The following CCAR2 variants were observed in gnomAD, a reference collection of about 807,000 sequenced individuals.
CCAR2 encodes the protein cell cycle and apoptosis regulator protein 2.
CCAR2 carries 21 observed loss-of-function variants against 108.1 expected under a neutral mutation model. That is an observed-to-expected ratio of 0.19 (90% CI 0.14 to 0.28). The LOEUF is 0.28. CCAR2 is among the 10% of genes least tolerant of loss of function. The pLI, the probability that CCAR2 is intolerant of heterozygous loss-of-function variation, is 1.00. For synonymous variants in CCAR2, 577 were observed against 472.8 expected, an observed-to-expected ratio of 1.22 and a Z score of -2.86; for missense variants, 1,126 against 1,177.0, an observed-to-expected ratio of 0.96 and a Z score of 0.63.
At position 22,604,764 on chromosome 8, in the gene CCAR2, C is replaced by T. The variant is rs201375888; in HGVS notation, c.-117C>T. On this transcript the variant is annotated 5_prime_UTR_variant, in exon 1 of 21. Coordinates refer to ENST00000308511, the MANE Select transcript of CCAR2 (RefSeq NM_001393997.1). ...CAGTGGTCGCGCTTCCGGAGAGGCG[C>T]TTCCGGTGGCGGCGGCAGCAGCGGC... 127 of 456,234 alleles carry T rather than the reference C, an allele frequency of 2.8e-4. 1 individual carries two copies. The highest frequency in any genetic ancestry group is 2.3e-3 in the African/African-American group (116 of 50,196). The allele number at this position is 456,234 out of a possible 1,614,324, so 28.3% of individuals were successfully genotyped here. A position where few individuals can be genotyped will look rare whatever the true frequency, so the allele number is the denominator to read the frequency against.
Position 22,617,802 on chromosome 8 carries a change from T to C in CCAR2, c.2073+24T>C, listed in dbSNP as rs1391013002. 3.1e-6 allele frequency: 5 copies of C among 1,609,832 alleles called. 1 individual carries two copies. Among genetic ancestry groups the C allele is most frequent in the East Asian group, 4.5e-5 (2 of 44,886 alleles). On this transcript the variant is annotated intron_variant, in intron 16 of 20. Coordinates refer to ENST00000308511, the MANE Select transcript of CCAR2 (RefSeq NM_001393997.1). ...TGGTGAGGCCTCTTCTCGACCACTC[T>C]GGGTCTCAGTGGTGGTGAGGCTTGG...
rs77337016 is a variant in CCAR2 at position 22,615,816 on chromosome 8, C to T, written c.1512C>T (p.Pro504=). The T allele has an allele frequency of 3.7e-6, 6 of 1,613,988 alleles. No homozygotes were observed. The highest frequency in any genetic ancestry group is 1.6e-4 in the Middle Eastern group (1 of 6,062). Residue 504 remains proline (P), a synonymous_variant, in exon 13 of 21, where the codon CCC becomes CCT. Coordinates refer to ENST00000308511, the MANE Select transcript of CCAR2 (RefSeq NM_001393997.1). Reference sequence around the variant, plus strand: ...ATCTCCCAGAGGCCCCTCCACCCCCCCTAGAACCTGCTGTCATCGCACGCC... The same window carrying T: ...ATCTCCCAGAGGCCCCTCCACCCCCTCTAGAACCTGCTGTCATCGCACGCC... ...DTDLPEAPPP[P]LEPAVIARPG...
At chr8:22,605,538 T>G in intron 1 of CCAR2, 198 bp from the exon 2 acceptor site, 2 of 569,606 alleles carry the variant, frequency 3.5e-6, no homozygotes, top group Non-Finnish European at 6.3e-6. Context: ...ACTAGGTTAT[T>G]GTCAGGGCAA....
Position 22,615,852 on chromosome 8 carries a change from A to G in CCAR2, c.1548A>G (p.Val516=). The part of the protein sequence containing the change: ...EPAVIARPGC[V]NLSLHGIVED... The stretch of plus-strand genomic sequence containing the variant: ...CTGTCATCGCACGCCCTGGCTGTGT[A>G]AACCTGTCCCTCCATGGGATTGTGG... The change falls in exon 13 of 21, where the codon GTA becomes GTG. Residue 516 remains valine (V), a synonymous_variant. Transcript: ENST00000308511. 1 of 1,614,022 alleles carries G rather than the reference A, an allele frequency of 6.2e-7. No homozygotes were observed.
In CCAR2 at chr8:22,618,948, C is replaced by T. The variant is rs200010288; in HGVS notation, c.2454C>T (p.Arg818=). Residue 818 remains arginine (R), a synonymous_variant, in exon 19 of 21, where the codon CGC becomes CGT. Coordinates refer to ENST00000308511, the MANE Select transcript of CCAR2 (RefSeq NM_001393997.1). The part of the protein sequence containing the change: ...SLINVGSLLQ[R]AEQQDSGRLY... ...TTAACGTGGGGAGCCTGCTGCAGCG[C>T]GCGGAGCAGCAGGACAGCGGCCGGC... is the stretch of plus-strand genomic sequence containing the variant. 59 of 1,613,666 alleles carry T rather than the reference C, an allele frequency of 3.7e-5. No homozygotes were observed. Among genetic ancestry groups the T allele is most frequent in the Admixed American group, 1.3e-4 (8 of 60,038 alleles).
chr8:22,615,668 A>T lies in CCAR2; in HGVS notation c.1378-14A>T. 1 of 1,613,822 alleles carries T rather than the reference A, an allele frequency of 6.2e-7. No individual in the cohort carries two copies. The highest frequency in any genetic ancestry group is 8.5e-7 in the Non-Finnish European group (1 of 1,179,978). ...CCCGGGACCCAGAGGGTCTCATTTC[A>T]GCTGTTGTCACAGGAAACGGAGCCT... On this transcript the variant is annotated splice_polypyrimidine_tract_variant and intron_variant, in intron 12 of 20. Coordinates refer to ENST00000308511, the MANE Select transcript of CCAR2 (RefSeq NM_001393997.1).
At chr8:22,620,823 C>T (rs955481461), downstream of CCAR2, 8 of 152,354 alleles carry the variant, frequency 5.3e-5, no homozygotes, top group African/African-American at 1.9e-4. Flanking sequence ...GACAGTTCCA[C>T]TGACAGCTTG....
chr8:22,615,268 A>T, intron 11 of CCAR2, 157 bp from the exon 12 acceptor site: 1 of 998,000 alleles, frequency 1.0e-6, no homozygotes, highest in Non-Finnish European at 1.5e-6. Flanking sequence ...TCATTTCTTG[A>T]GGACTTGGTC....
chr8:22,621,407 A>G (rs1322137177), downstream of CCAR2: 2 of 1,610,124 alleles, frequency 1.2e-6, no homozygotes, highest in Non-Finnish European at 8.5e-7. Flanking sequence ...GGAGTCCTCC[A>G]AGAGTGACGG....
rs778937420 is a variant in CCAR2, at chr8:22,615,694, ACTGAACAGGCAC to A, written c.1395_1406del (p.Glu465_Pro468del). The A allele has an allele frequency of 6.2e-7, 1 of 1,613,632 alleles. No homozygotes were observed. The highest frequency in any genetic ancestry group is 8.5e-7 in the Non-Finnish European group (1 of 1,180,022). On this transcript the variant is annotated inframe_deletion, in exon 13 of 21. Transcript: ENST00000308511. The stretch of plus-strand genomic sequence containing the variant: ...GCTGTTGTCACAGGAAACGGAGCCT[ACTGAACAGGCAC>A]CTGATGCCTTGGAGCAAGCAGCAGA...
chr8:22,605,159 C>A, intron 1 of CCAR2: 1 of 191,090 alleles, frequency 5.2e-6, no homozygotes, highest in Middle Eastern at 2.3e-3. Flanking sequence ...CAGCCGGTTT[C>A]GCGTTTGGTC....
At chr8:22,615,068 C>T in intron 11 of CCAR2, 67 bp downstream of exon 11, 1 of 1,457,594 alleles carries the variant, frequency 6.9e-7, no homozygotes, top group Non-Finnish European at 9.1e-7. Context: ...TTGGGAAGGC[C>T]CGGTCCCTGC....
At chr8:22,619,100 C>T (rs775737481) in intron 19 of CCAR2, 50 bp from the exon 20 acceptor site, 1 of 1,600,470 alleles carries the variant, frequency 6.2e-7, no homozygotes, top group Non-Finnish European at 8.5e-7. Context: ...CTGCCCTGTG[C>T]TCTGGGCCTT....
At position 22,607,242 on chromosome 8, in the gene CCAR2, T is replaced by G. The variant is rs1241014928; in HGVS notation, c.404T>G (p.Leu135Arg). 6.2e-7 allele frequency: 1 copy of G among 1,614,040 alleles called. No homozygotes were observed. Among genetic ancestry groups the G allele is most frequent in the Non-Finnish European group, 8.5e-7 (1 of 1,180,014 alleles). The change falls in exon 6 of 21, where the codon CTG becomes CGG. Residue 135 changes from leucine (L) to arginine (R), a missense_variant. By Grantham distance (102) the Leu-to-Arg change is moderately radical. This residue lies in a region of CCAR2 where 44 missense variants were observed against 63.4 expected (regional missense o/e 0.69). Coordinates refer to ENST00000308511, the MANE Select transcript of CCAR2 (RefSeq NM_001393997.1). ...PAPPLLHVAA[L>R]GQKQGILGAQ... Reference sequence around the variant, plus strand: ...CCTCCTCTTCTGCATGTAGCAGCCCTGGGCCAGAAGCAAGGGATCCTGGGA... The same window carrying G: ...CCTCCTCTTCTGCATGTAGCAGCCCGGGGCCAGAAGCAAGGGATCCTGGGA...
intron 7 of CCAR2, chr8:22,612,701 C>T (rs1054438908): frequency 3.5e-5 from 7 of 202,056 alleles, no homozygotes; most frequent in African/African-American, 6.9e-5. Flanking sequence ...GAAAATTATT[C>T]GTAAGCTTTC....
downstream of CCAR2, chr8:22,621,236 G>C: frequency 2.8e-6 from 2 of 709,848 alleles, no homozygotes; most frequent in Admixed American, 2.9e-5. Flanking sequence ...GGCTGTGAGT[G>C]GGGAGACGGC....
chr8:22,606,494 T>A, intron 3 of CCAR2, 113 bp from the exon 4 acceptor site: 1 of 821,850 alleles, frequency 1.2e-6, no homozygotes, highest in South Asian at 1.5e-5. Context: ...CTGTGCGAAC[T>A]CTTGATGCAG....
rs1163359224 is a variant in CCAR2 at position 22,615,408 on chromosome 8, C to T, written c.1206-17C>T. ...GTTGTCACTAAAGAAGTTAGTACCT[C>T]CTTTTGCCATGTGCAGGTGGCGCTT... On this transcript the variant is annotated splice_polypyrimidine_tract_variant and intron_variant, in intron 11 of 20. Coordinates refer to ENST00000308511, the MANE Select transcript of CCAR2 (RefSeq NM_001393997.1). 1 of 1,610,518 alleles carries T rather than the reference C, an allele frequency of 6.2e-7. No homozygotes were observed. The highest frequency in any genetic ancestry group is 8.5e-7 in the Non-Finnish European group (1 of 1,178,044).
At position 22,615,441 on chromosome 8, in the gene CCAR2, T is replaced by C; in HGVS notation, c.1222T>C (p.Phe408Leu). The stretch of plus-strand genomic sequence containing the variant: ...CATGTGCAGGTGGCGCTTTGCCGAG[T>C]TTCAGTACCTGCAGCCGGGACCCCC... ...GCTKWWRFAEFQYLQPGPPRR... is the reference protein window; with the variant it reads ...GCTKWWRFAELQYLQPGPPRR... Residue 408 changes from phenylalanine to leucine, a missense_variant, in exon 12 of 21, where the codon TTT (phenylalanine) becomes CTT (leucine). By Grantham distance (22) the Phe-to-Leu change is conservative (BLOSUM62 0). Coordinates refer to ENST00000308511, the MANE Select transcript of CCAR2 (RefSeq NM_001393997.1). The C allele has an allele frequency of 1.9e-6, 3 of 1,613,550 alleles. No homozygotes were observed. The highest frequency in any genetic ancestry group is 2.5e-6 in the Non-Finnish European group (3 of 1,179,870).
Sources: gnomAD v4.1 joint callset for allele counts on GRCh38, gnomAD v4.1.1 for gene constraint, gnomAD v4.1.1 regional missense constraint, MANE v1.5 for transcripts, NCBI Gene and HGNC (gene_info 2026-07-23, HGNC 2026-07-21) for gene names.